The following PTPRG variants were observed in gnomAD, a reference collection of about 807,000 sequenced individuals.
The protein encoded by PTPRG is receptor-type tyrosine-protein phosphatase gamma.
In PTPRG, 102 loss-of-function variants were observed where a neutral mutation model predicts 165.3. The observed-to-expected ratio is 0.62, with a 90% confidence interval of 0.53 to 0.73. PTPRG has a LOEUF of 0.73. Among genes scored for constraint, PTPRG ranks in the 30% least tolerant of loss-of-function variants. PTPRG has a pLI of 0.00. For missense variants in PTPRG, 1,866 were observed against 1,861.4 expected (o/e 1.00, Z -0.05); for synonymous variants, 675 against 669.5 (o/e 1.01, Z -0.13).
rs1702140822 is a variant in PTPRG at position 62,273,509 on chromosome 3, A to G, written c.3319-189A>G. Among the ~76,000 whole-genome samples the G allele has an allele frequency of 6.6e-6, 1 of 152,186 alleles. No individual in the cohort carries two copies. Among genetic ancestry groups the G allele is most frequent in the African/African-American group, 2.4e-5 (1 of 41,462 alleles). On this transcript the variant is annotated intron_variant, in intron 22 of 29. Transcript: ENST00000474889. This position sits in a 1 kb window ranked among gnomAD's most constrained non-coding sequence, Gnocchi z 4.1. ...TATAGAATACAGAGCTAAACTTAAC[A>G]CAGTCTCTACCGTAAAATAAGTTAA...
At chr3:61,953,697 A>G (rs949213883) in intron 2 of PTPRG, among the ~76,000 whole-genome samples, 13 of 152,290 alleles carry the variant, frequency 8.5e-5, no homozygotes, top group African/African-American at 2.9e-4. Flanking sequence ...TCTCCAATGT[A>G]GAAGGGTGAT....
rs556907577 is a variant in PTPRG, at chr3:62,194,411, G to A, written c.1219-651G>A. Among the ~76,000 whole-genome samples the A allele has an allele frequency of 7.9e-5, 12 of 152,310 alleles. No individual in the cohort carries two copies. The South Asian group carries it at 2.5e-3, about 32-fold the overall frequency. ...GAAAGAACTGACTCAGAACCCCACA[G>A]CTTGTGAGTGGTATGAGGAGACTAT... On this transcript the variant is annotated intron_variant, in intron 9 of 29. Transcript: ENST00000474889.
chr3:62,017,122 T>C (rs1315831609), intron 4 of PTPRG, among the ~76,000 whole-genome samples: 3 of 152,334 alleles, frequency 2.0e-5, no homozygotes, highest in Middle Eastern at 3.4e-3. Flanking sequence ...TGGCTGCTAA[T>C]GAACATAGTC....
intron 6 of PTPRG, among the ~76,000 whole-genome samples, chr3:62,139,356 G>A (rs780251047): frequency 1.3e-5 from 2 of 152,094 alleles, no homozygotes; most frequent in Non-Finnish European, 2.9e-5. Flanking sequence ...CTACTCGGGA[G>A]GCTGAGGCAG....
chr3:62,106,615 A>T (rs1446725472), intron 5 of PTPRG, among the ~76,000 whole-genome samples: 1 of 148,558 alleles, frequency 6.7e-6, no homozygotes, highest in Non-Finnish European at 1.5e-5. Context: ...CAGTCCTCCC[A>T]CACCAGCCTC....
In PTPRG at chr3:61,777,990, G is replaced by A. The variant is rs186425033; in HGVS notation, c.190+29008G>A. ...GGTTCTTCAGTGCCTAGTACAATAC[G>A]TGCCATTCACTCATTCATTCATTCA... On this transcript the variant is annotated intron_variant, in intron 2 of 29. Transcript: ENST00000474889. Among the ~76,000 whole-genome samples, 59 of 152,264 alleles carry A rather than the reference G, an allele frequency of 3.9e-4. No individual in the cohort carries two copies. In the East Asian group the frequency reaches 9.3e-3, roughly 24 times the overall value.
chr3:61,751,259 T>C (rs1001741204), intron 2 of PTPRG, among the ~76,000 whole-genome samples: 1 of 152,190 alleles, frequency 6.6e-6, no homozygotes, highest in East Asian at 1.9e-4. Context: ...CCTGTTACTT[T>C]GGGTACATCA....
chr3:61,725,664 CT>C (rs1214987901), intron 1 of PTPRG, among the ~76,000 whole-genome samples: 7 of 149,958 alleles, frequency 4.7e-5, no homozygotes, highest in African/African-American at 1.7e-4. Flanking sequence ...CTATTCTTCT[CT>C]TTTTGAAGAT....
chr3:62,178,065 G>A (rs1705498489), intron 8 of PTPRG, among the ~76,000 whole-genome samples: 1 of 151,954 alleles, frequency 6.6e-6, no homozygotes, highest in Non-Finnish European at 1.5e-5. Flanking sequence ...GTGGATGGAT[G>A]GATGGATGAA....
chr3:61,837,750 A>G (rs2036512395), intron 2 of PTPRG, among the ~76,000 whole-genome samples: 2 of 152,230 alleles, frequency 1.3e-5, no homozygotes, highest in Non-Finnish European at 2.9e-5. Context: ...CAGATGTATT[A>G]GTCCATTAGG....
chr3:61,702,212 C>G (rs2031004875), intron 1 of PTPRG, among the ~76,000 whole-genome samples: 1 of 152,100 alleles, frequency 6.6e-6, no homozygotes, highest in Admixed American at 6.5e-5. Context: ...CTGCTGGCCT[C>G]AAGTGATCTA....
chr3:61,657,221 T>A (rs1702531574), intron 1 of PTPRG, among the ~76,000 whole-genome samples: 1 of 152,130 alleles, frequency 6.6e-6, no homozygotes, highest in African/African-American at 2.4e-5. Context: ...TTCTTCTTGG[T>A]GTCTCACAGA....
chr3:62,075,111 A>G (rs1284573928), intron 4 of PTPRG, among the ~76,000 whole-genome samples: 1 of 152,178 alleles, frequency 6.6e-6, no homozygotes, highest in East Asian at 1.9e-4. Context: ...AGATGGGTGG[A>G]GCTGTGACCC....
At chr3:61,632,327 AC>A (rs56971067) in intron 1 of PTPRG, among the ~76,000 whole-genome samples, 3,786 of 152,216 alleles carry the variant, frequency 0.025, 84 homozygotes, top group Middle Eastern at 0.08. Context: ...ATACACACAC[AC>A]ACACACACAA....
chr3:61,598,686 C>G (rs545542452), intron 1 of PTPRG, among the ~76,000 whole-genome samples: 1 of 152,212 alleles, frequency 6.6e-6, no homozygotes, highest in South Asian at 2.1e-4. Flanking sequence ...TTACAACAGT[C>G]TGGGTGGCTT....
rs1364834527 is a variant in PTPRG, at chr3:62,195,058, A to G, written c.1219-4A>G. 6.2e-7 allele frequency: 1 copy of G among 1,613,756 alleles called. No individual in the cohort carries two copies. On this transcript the variant is annotated splice_region_variant and splice_polypyrimidine_tract_variant and intron_variant, in intron 9 of 29. Transcript: ENST00000474889. The surrounding 1 kb of genome is among the most constrained non-coding windows in gnomAD (Gnocchi z 4.4). Reference sequence around the variant, plus strand: ...CTCACTGCTTTTTCCTTCTTTACTTACAGAAAGCCACCATTAGCCATGTCT... The same window carrying G: ...CTCACTGCTTTTTCCTTCTTTACTTGCAGAAAGCCACCATTAGCCATGTCT...
Position 61,629,092 on chromosome 3 carries a change from G to A in PTPRG, c.85+66720G>A, listed in dbSNP as rs117789453. Among the ~76,000 whole-genome samples the A allele has an allele frequency of 1.5e-4, 23 of 152,266 alleles. No individual in the cohort carries two copies. In the East Asian group the frequency reaches 3.3e-3, roughly 22 times the overall value. ...GTAGGAGGGACACTTGGGAAATAGA[G>A]GCATTTGTGCCTTCAAGCAGTTCAC... is the stretch of plus-strand genomic sequence containing the variant. On this transcript the variant is annotated intron_variant, in intron 1 of 29. Transcript: ENST00000474889.
intron 5 of PTPRG, among the ~76,000 whole-genome samples, chr3:62,082,186 A>G (rs954492036): frequency 1.3e-5 from 2 of 152,234 alleles, no homozygotes; most frequent in Non-Finnish European, 1.5e-5. Context: ...TTCATGTACT[A>G]GAATAATTTT....
chr3:61,888,497 A>C lies in PTPRG; in HGVS notation c.191-101128A>C, dbSNP rs567442436. 4.6e-5 allele frequency among the ~76,000 whole-genome samples: 7 copies of C among 151,944 alleles called. No individual in the cohort carries two copies. The East Asian group carries it at 1.4e-3, about 29-fold the overall frequency. On this transcript the variant is annotated intron_variant, in intron 2 of 29. Transcript: ENST00000474889. ...TGGCCCCTGCCACTATGCGCGGCTA[A>C]TTTTTTTGTATTTTTAGTAGAGACG...
Sources: allele counts gnomAD v4.1 joint callset (sites outside exome capture counted in the v4.1 genomes callset), GRCh38; gene constraint gnomAD v4.1.1; non-coding constraint Gnocchi (gnomAD v3.1); transcripts MANE v1.5; gene names NCBI Gene and HGNC (gene_info 2026-07-23, HGNC 2026-07-21).